ZMYM6: variants seen among roughly 807,000 people sequenced by gnomAD.
ZMYM6 encodes zinc finger MYM-type containing 6, also known as zinc finger MYM-type protein 6.
A neutral mutation model predicts 134.0 loss-of-function variants in ZMYM6; 90 were observed. The observed-to-expected ratio is 0.67, with a 90% confidence interval of 0.57 to 0.80. The LOEUF (loss-of-function observed/expected upper bound fraction) is 0.80. Ranked by LOEUF, ZMYM6 falls within the 30% of genes least tolerant of loss-of-function variation. The pLI is 0.00. For missense variants in ZMYM6, 1,362 were observed against 1,533.9 expected, an observed-to-expected ratio of 0.89 and a Z score of 1.87; for synonymous variants, 481 against 524.1, an observed-to-expected ratio of 0.92 and a Z score of 1.12.
Position 34,988,030 on chromosome 1 carries a change from C to T in ZMYM6, c.3052G>A (p.Val1018Met), listed in dbSNP as rs1640603668. ...THCFIHRERL[V>M]AEKLSPCLHK... ...AAACATGGAGACAACTTTTCTGCCA[C>T]TAAACGTTCACGGTGAATAAAACAA... is the stretch of plus-strand genomic sequence containing the variant. The change falls in exon 16 of 16, where the codon GTG becomes ATG. Residue 1018 changes from valine (V) to methionine (M), a missense_variant. Physicochemically the swap from Val to Met is conservative, Grantham distance 21 (BLOSUM62 1). Coordinates refer to ENST00000357182, the MANE Select transcript of ZMYM6 (RefSeq NM_007167.4). 1.3e-6 allele frequency: 2 copies of T among 1,551,286 alleles called. No homozygotes were observed. The highest frequency in any genetic ancestry group is 1.7e-6 in the Non-Finnish European group (2 of 1,146,906).
intron 4 of ZMYM6, 86 bp from the exon 5 acceptor site, chr1:35,015,248 T>C (rs1641160994): frequency 7.9e-7 from 1 of 1,273,004 alleles, no homozygotes; most frequent in East Asian, 2.5e-5. Flanking sequence ...TAACACTTAC[T>C]AAGGGCAGGT....
chr1:35,021,683 A>T (rs771201575), intron 2 of ZMYM6, among the ~76,000 whole-genome samples: 12 of 152,194 alleles, frequency 7.9e-5, no homozygotes, highest in Non-Finnish European at 1.8e-4. Context: ...TTGGATTTCA[A>T]TCATTTTAGA....
intron 2 of ZMYM6, among the ~76,000 whole-genome samples, chr1:35,024,318 T>C (rs187157134): frequency 5.3e-5 from 8 of 152,356 alleles, no homozygotes; most frequent in Admixed American, 4.6e-4. Flanking sequence ...AAATTTAACC[T>C]GGCATCCTGT....
chr1:35,030,964 G>A (rs1328164475), intron 1 of ZMYM6, among the ~76,000 whole-genome samples: 1 of 152,136 alleles, frequency 6.6e-6, no homozygotes, highest in African/African-American at 2.4e-5. Flanking sequence ...TTTTTCCTAT[G>A]TTGAAGGTTA....
intron 2 of ZMYM6, among the ~76,000 whole-genome samples, chr1:35,021,069 C>G (rs1326724724): frequency 1.3e-5 from 2 of 151,162 alleles, no homozygotes; most frequent in African/African-American, 4.9e-5. Flanking sequence ...TGAGCACTAC[C>G]TATTTTTTAG....
chr1:35,000,462 C>T (rs28542823), intron 14 of ZMYM6, among the ~76,000 whole-genome samples: 8,567 of 151,510 alleles, frequency 0.057, 713 homozygotes, highest in African/African-American at 0.19. Context: ...TGGTCTCAAA[C>T]CCCTGAGCTC....
Position 34,988,864 on chromosome 1 carries a change from A to G in ZMYM6, c.2218T>C (p.Phe740Leu). ...SPPSKKKRLG[F>L]FQTYDTEYLK... is the part of the protein sequence containing the mutation. ...TATTCTGTATCATAAGTCTGGAAAA[A>G]ACCTAATCTTTTTTTCTTTGAAGGT... Residue 740 changes from phenylalanine to leucine, a missense_variant, in exon 16 of 16, where the codon TTT becomes CTT. By Grantham distance (22) the Phe-to-Leu change is conservative. Transcript: ENST00000357182. 1 of 1,608,542 alleles carries G rather than the reference A, an allele frequency of 6.2e-7. No individual in the cohort carries two copies. Among genetic ancestry groups the G allele is most frequent in the Non-Finnish European group, 8.5e-7 (1 of 1,176,732 alleles).
Position 35,015,142 on chromosome 1 carries a change from TCCTTAGGATTTAAAATGTCTCTAAAA to T in ZMYM6, c.429-6_448del. 5.6e-6 allele frequency: 9 copies of T among 1,596,860 alleles called. No individual in the cohort carries two copies. On this transcript the variant is annotated splice_acceptor_variant and splice_polypyrimidine_tract_variant and coding_sequence_variant and intron_variant, in exon 5 of 16. Transcript: ENST00000357182. LOFTEE classifies it high-confidence loss of function. Reference sequence around the variant, plus strand: ...ATTCTCAAAGCGAGTTGTGATCACATCCTTAGGATTTAAAATGTCTCTAAAAATAAATAACAAAGGTAAAAATGAAA... The same window carrying T: ...ATTCTCAAAGCGAGTTGTGATCACATATAAATAACAAAGGTAAAAATGAAA...
rs1012018603 is a variant in ZMYM6 at position 34,986,257 on chromosome 1, G to A, written c.*847C>T. 2.6e-5 allele frequency: 4 copies of A among 152,188 alleles called. No homozygotes were observed. Among genetic ancestry groups the A allele is most frequent in the Non-Finnish European group, 5.9e-5 (4 of 68,038 alleles). The allele number at this position is 152,188 out of a possible 1,614,324, so 9.4% of individuals were successfully genotyped here. ...TTTTGCACTGCAACTGCAGAATTGA[G>A]TAGTTGTGACAGTATGGCCTGCAAA... is the stretch of plus-strand genomic sequence containing the variant. On this transcript the variant is annotated 3_prime_UTR_variant, in exon 16 of 16. Coordinates refer to ENST00000357182, the MANE Select transcript of ZMYM6 (RefSeq NM_007167.4).
Position 35,012,425 on chromosome 1 carries a change from C to T in ZMYM6, c.946+6G>A. The T allele has an allele frequency of 6.6e-7, 1 of 1,508,078 alleles. No homozygotes were observed. The highest frequency in any genetic ancestry group is 2.4e-5 in the East Asian group (1 of 41,790). The allele number at this position is 1,508,078 out of a possible 1,614,324, so 93.4% of individuals were successfully genotyped here. On this transcript the variant is annotated splice_donor_region_variant and intron_variant, in intron 7 of 15. Coordinates refer to ENST00000357182, the MANE Select transcript of ZMYM6 (RefSeq NM_007167.4). ...AATCTATAAATTTATCAAATTTAAA[C>T]ATTACCTGAAGAAGTAACAGTCTTA...
chr1:35,004,980 C>T, intron 13 of ZMYM6, 152 bp downstream of exon 13: 1 of 800,922 alleles, frequency 1.2e-6, no homozygotes, highest in Non-Finnish European at 1.9e-6. Context: ...ATTGCTTGAA[C>T]CCAGGAGGCG....
chr1:34,988,496 T>C lies in ZMYM6; in HGVS notation c.2586A>G (p.Ser862=). The C allele has an allele frequency of 6.4e-7, 1 of 1,550,986 alleles. No individual in the cohort carries two copies. Among genetic ancestry groups the C allele is most frequent in the South Asian group, 1.2e-5 (1 of 83,836 alleles). ...CTCCAGCACTTGAACCCAAAACTTC[T>C]GAACACATTTCTACTAAATATGGTT... The part of the protein sequence containing the change: ...LIKPYLVEMC[S]EVLGSSAGDK... Residue 862 remains serine (S), a synonymous_variant, in exon 16 of 16, where the codon TCA becomes TCG. Transcript: ENST00000357182.
chr1:35,020,558 T>C, intron 2 of ZMYM6, 91 bp from the exon 3 acceptor site: 17 of 472,106 alleles, frequency 3.6e-5, no homozygotes, highest in Non-Finnish European at 5.4e-5. Context: ...TATTCTATCC[T>C]ATTCATCTCC....
At position 35,007,053 on chromosome 1, in the gene ZMYM6, A is replaced by C. The variant is rs1380732909; in HGVS notation, c.1711T>G (p.Ser571Ala). 6.2e-7 allele frequency: 1 copy of C among 1,611,276 alleles called. No individual in the cohort carries two copies. Among genetic ancestry groups the C allele is most frequent in the Non-Finnish European group, 8.5e-7 (1 of 1,178,720 alleles). ...TTAATGTTGCCTCGCCACTTTATGG[A>C]CTCGCTTAGTTTACCCTGTCGTTTA... ...GCKRQGKLSESIKWRGNIKHF... is the reference protein window; with the variant it reads ...GCKRQGKLSEAIKWRGNIKHF... Residue 571 changes from serine (S) to alanine (A), a missense_variant, in exon 12 of 16, where the codon TCC (serine) becomes GCC (alanine). Ser to Ala is a moderately conservative substitution (Grantham distance 99). Around this residue, in one of 3 missense-constraint regions of ZMYM6, gnomAD observed 824 missense variants for 940.9 expected, o/e 0.88. Transcript: ENST00000357182.
intron 14 of ZMYM6, among the ~76,000 whole-genome samples, chr1:35,001,845 C>T (rs1323127639): frequency 6.6e-6 from 1 of 152,116 alleles, no homozygotes; most frequent in African/African-American, 2.4e-5. Flanking sequence ...GATAAGCTAC[C>T]TCTCCACATT....
chr1:35,000,995 C>T (rs1024354761), intron 14 of ZMYM6, among the ~76,000 whole-genome samples: 1 of 152,160 alleles, frequency 6.6e-6, no homozygotes, highest in Non-Finnish European at 1.5e-5. Flanking sequence ...TGGAACACAG[C>T]CACACTCACT....
intron 14 of ZMYM6, among the ~76,000 whole-genome samples, chr1:34,995,554 T>A (rs1377385338): frequency 1.3e-5 from 2 of 152,064 alleles, no homozygotes; most frequent in Non-Finnish European, 2.9e-5. Flanking sequence ...CAAAATATCT[T>A]AATGTGCTGT....
chr1:35,004,541 G>A (rs1160139767), intron 13 of ZMYM6, among the ~76,000 whole-genome samples: 7 of 151,932 alleles, frequency 4.6e-5, no homozygotes, highest in Admixed American at 4.6e-4. Flanking sequence ...CTCGGGAGGC[G>A]GAGGTTGCAG....
chr1:35,025,861 G>C (rs1266693970), intron 2 of ZMYM6, among the ~76,000 whole-genome samples: 1 of 152,260 alleles, frequency 6.6e-6, no homozygotes, highest in South Asian at 2.1e-4. Context: ...TGGGTAAAGT[G>C]GGAAGAGAAA....
Sources: allele counts gnomAD v4.1 joint callset (sites outside exome capture counted in the v4.1 genomes callset), GRCh38; gene constraint gnomAD v4.1.1; regional missense constraint gnomAD v4.1.1; transcripts MANE v1.5; gene names NCBI Gene and HGNC (gene_info 2026-07-23, HGNC 2026-07-21).